CDYL: variants seen among roughly 807,000 people sequenced by gnomAD.
CDYL encodes chromodomain Y-like protein.
A neutral mutation model predicts 47.3 loss-of-function variants in CDYL; 8 were observed. That is an observed-to-expected ratio of 0.17 (90% CI 0.10 to 0.31). The LOEUF is 0.31. Among genes scored for constraint, CDYL ranks in the 10% least tolerant of loss-of-function variants. CDYL has a pLI of 1.00. For missense variants in CDYL, 471 were observed against 701.4 expected, an observed-to-expected ratio of 0.67 and a Z score of 3.71; for synonymous variants, 266 against 265.0, an observed-to-expected ratio of 1.00 and a Z score of -0.04.
At chr6:4,926,824 A>G (rs75777319) in intron 2 of CDYL, among the ~76,000 whole-genome samples, 1 of 143,178 alleles carries the variant, frequency 7.0e-6, no homozygotes, top group African/African-American at 2.5e-5. Context: ...TTTCATTTTT[A>G]TTTTTTTCAT....
intron 2 of CDYL, among the ~76,000 whole-genome samples, chr6:4,914,967 C>G (rs974244661): frequency 3.3e-5 from 5 of 152,186 alleles, no homozygotes; most frequent in African/African-American, 1.2e-4. Flanking sequence ...GGAGGTCGGG[C>G]ACGTATCCTT....
At chr6:4,946,310 C>A (rs555785642) in intron 5 of CDYL, among the ~76,000 whole-genome samples, 1 of 152,218 alleles carries the variant, frequency 6.6e-6, no homozygotes, top group Non-Finnish European at 1.5e-5. Context: ...GACACCCACC[C>A]CTGCTGGCAG....
intron 3 of CDYL, among the ~76,000 whole-genome samples, chr6:4,750,266 G>C (rs996356649): frequency 6.6e-6 from 1 of 152,068 alleles, no homozygotes; most frequent in African/African-American, 2.4e-5. Context: ...GCAATGGCAC[G>C]ATCTTGGCTC....
At chr6:4,760,456 G>C (rs539377882) in intron 3 of CDYL, among the ~76,000 whole-genome samples, 9 of 152,114 alleles carry the variant, frequency 5.9e-5, no homozygotes, top group African/African-American at 1.7e-4. Context: ...AGGACTGTGA[G>C]AGTTGATGGG....
At position 4,892,132 on chromosome 6, in the gene CDYL, C is replaced by G. The variant is rs9502246; in HGVS notation, c.444C>G (p.Pro148=). The change falls in exon 2 of 7, where the codon CCC becomes CCG. Residue 148 remains proline, a synonymous_variant. Coordinates refer to ENST00000397588, the MANE Select transcript of CDYL (RefSeq NM_004824.4). Reference sequence around the variant, plus strand: ...TCAAGATCCTCGTGCCTAAAAGCCCCGTTAAGAGCAGGACCGCAGTGGACG... The same window carrying G: ...TCAAGATCCTCGTGCCTAAAAGCCCGGTTAAGAGCAGGACCGCAGTGGACG... The part of the protein sequence containing the change: ...SGIKILVPKS[P]VKSRTAVDGF... 4.0e-4 allele frequency: 648 copies of G among 1,614,198 alleles called. 3 individuals carry two copies. The African/African-American group carries it at 7.6e-3, about 19-fold the overall frequency.
At chr6:4,900,779 GTATATA>G (rs59594195) in intron 2 of CDYL, among the ~76,000 whole-genome samples, 1,646 of 51,670 alleles carry the variant, frequency 0.032, 398 homozygotes, top group Middle Eastern at 0.075. Flanking sequence ...GTATACGTGT[GTATATA>G]TATATATATA....
intron 1 of CDYL, among the ~76,000 whole-genome samples, chr6:4,710,307 C>G (rs1204047917): frequency 7.6e-6 from 1 of 131,130 alleles, no homozygotes; most frequent in Non-Finnish European, 1.6e-5. Flanking sequence ...GAGGAAGGAT[C>G]GAAAGAAGAA....
At position 4,955,337 on chromosome 6, in the gene CDYL, G is replaced by A. The variant is rs1343590337; in HGVS notation, c.*1281G>A. 1 of 152,606 alleles carries A rather than the reference G, an allele frequency of 6.6e-6. No individual in the cohort carries two copies. The highest frequency in any genetic ancestry group is 2.4e-5 in the African/African-American group (1 of 41,452). 9.5% of individuals were successfully genotyped at this position (152,606 alleles called of 1,614,324 possible). ...AGTTTTGAAGTTTATACTTAGAACT[G>A]ACCACCTCCCCGGCCACGCGGAGAG... is the stretch of plus-strand genomic sequence containing the variant. On this transcript the variant is annotated 3_prime_UTR_variant, in exon 7 of 7. Transcript: ENST00000397588.
intron 5 of CDYL, among the ~76,000 whole-genome samples, chr6:4,945,623 A>G (rs909558724): frequency 3.3e-5 from 5 of 152,242 alleles, no homozygotes; most frequent in East Asian, 3.9e-4. Context: ...ACCGGCCTGC[A>G]TCCCATTTCC....
intron 2 of CDYL, among the ~76,000 whole-genome samples, chr6:4,904,802 A>T (rs148838205): frequency 6.6e-6 from 1 of 152,200 alleles, no homozygotes. Context: ...TTTGGGCCTC[A>T]TCGTACAGCT....
At chr6:4,892,878 T>A (rs1038772138) in intron 2 of CDYL, among the ~76,000 whole-genome samples, 2 of 152,204 alleles carry the variant, frequency 1.3e-5, no homozygotes, top group Admixed American at 6.5e-5. Context: ...TCTGTTGTGA[T>A]CGGCAGTGCA....
chr6:4,773,330 T>C (rs1278250841), upstream of CDYL, among the ~76,000 whole-genome samples: 1 of 152,188 alleles, frequency 6.6e-6, no homozygotes. The surrounding 1 kb of genome is among the most constrained non-coding windows in gnomAD (Gnocchi z 4.6). Context: ...CTTCCCGGTG[T>C]GCTTAGGGGA....
chr6:4,808,083 A>AG (rs1491124265), intron 1 of CDYL, among the ~76,000 whole-genome samples: 1 of 152,154 alleles, frequency 6.6e-6, no homozygotes, highest in African/African-American at 2.4e-5. Context: ...CAGGACACTC[A>AG]GGGTGCATCT....
chr6:4,920,757 A>G (rs1343897342), intron 2 of CDYL, among the ~76,000 whole-genome samples: 1 of 152,200 alleles, frequency 6.6e-6, no homozygotes, highest in East Asian at 1.9e-4. Flanking sequence ...GTGGGATTAC[A>G]GTCACGCGCC....
intron 1 of CDYL, among the ~76,000 whole-genome samples, chr6:4,786,223 A>G (rs1758753148): frequency 6.6e-6 from 1 of 152,214 alleles, no homozygotes; most frequent in African/African-American, 2.4e-5. Flanking sequence ...GTTACCTTAC[A>G]TGTTTTATGA....
intron 1 of CDYL, among the ~76,000 whole-genome samples, chr6:4,710,949 AG>A (rs200600009): frequency 0.022 from 3,235 of 150,354 alleles, 47 homozygotes; most frequent in Middle Eastern, 0.075. Context: ...ACACACACAA[AG>A]GTAACTGTCA....
chr6:4,883,964 G>A (rs748598262), intron 1 of CDYL, among the ~76,000 whole-genome samples: 4 of 152,136 alleles, frequency 2.6e-5, no homozygotes, highest in Non-Finnish European at 5.9e-5. Context: ...AGTATCTGGG[G>A]CAGCCCCCCA....
chr6:4,922,545 G>A (rs144251100), intron 2 of CDYL, among the ~76,000 whole-genome samples: 1 of 152,328 alleles, frequency 6.6e-6, no homozygotes, highest in African/African-American at 2.4e-5. Flanking sequence ...GTTTCCTTGG[G>A]TGCAGCTTTA....
At chr6:4,934,841 G>A (rs1038888731) in intron 2 of CDYL, among the ~76,000 whole-genome samples, 2 of 152,198 alleles carry the variant, frequency 1.3e-5, no homozygotes, top group Admixed American at 1.3e-4. Context: ...TGTGACATAC[G>A]AGGGAACGTT....
Sources: gnomAD v4.1 joint callset for allele counts (sites outside exome capture counted in the v4.1 genomes callset) on GRCh38, gnomAD v4.1.1 for gene constraint, Gnocchi (gnomAD v3.1) non-coding constraint, MANE v1.5 for transcripts, NCBI Gene and HGNC (gene_info 2026-07-23, HGNC 2026-07-21) for gene names.